RAB38: variants seen among roughly 807,000 people sequenced by gnomAD.
The protein encoded by RAB38 is ras-related protein Rab-38.
A neutral mutation model predicts 18.4 loss-of-function variants in RAB38; 15 were observed. The observed-to-expected ratio is 0.82, with a 90% CI of 0.55 to 1.26. The LOEUF is 1.26. RAB38 is among the 50% of genes most tolerant of loss of function. The pLI, the probability that RAB38 is intolerant of heterozygous loss-of-function variation, is 0.00. For synonymous variants in RAB38, 101 were observed against 104.4 expected (o/e 0.97, Z 0.20); for missense variants, 294 against 267.4 (o/e 1.10, Z -0.69).
At chr11:88,142,557 A>G (rs1214749612) in intron 2 of RAB38, among the ~76,000 whole-genome samples, 1 of 152,178 alleles carries the variant, frequency 6.6e-6, no homozygotes, top group Non-Finnish European at 1.5e-5. Flanking sequence ...GCAATTCCTG[A>G]AGAAAGGGTT....
At chr11:88,144,104 T>C (rs1221806842) in intron 2 of RAB38, among the ~76,000 whole-genome samples, 2 of 152,190 alleles carry the variant, frequency 1.3e-5, no homozygotes, top group East Asian at 3.8e-4. Flanking sequence ...CTGGTGGACA[T>C]TATGTGAAAT....
At chr11:88,041,938 T>C in the RAB38 span, among the ~76,000 whole-genome samples, 1 of 152,006 alleles carries the variant, frequency 6.6e-6, no homozygotes, top group Non-Finnish European at 1.5e-5. Flanking sequence ...AGCTATGAGG[T>C]GCCAGTGGGT....
the RAB38 span, among the ~76,000 whole-genome samples, chr11:88,053,433 A>T: frequency 8.1e-6 from 1 of 123,790 alleles, no homozygotes; most frequent in South Asian, 2.6e-4. Context: ...ATATATATGG[A>T]ATATATATAT....
the RAB38 span, among the ~76,000 whole-genome samples, chr11:87,881,486 G>T: frequency 6.6e-6 from 1 of 151,678 alleles, no homozygotes; most frequent in South Asian, 2.1e-4. Context: ...TCATAAATGT[G>T]GAGACTGCAT....
the RAB38 span, among the ~76,000 whole-genome samples, chr11:88,013,134 G>A: frequency 1.3e-5 from 2 of 152,006 alleles, no homozygotes; most frequent in African/African-American, 4.8e-5. Flanking sequence ...AAGGCCTGTA[G>A]GTAATAAACT....
the RAB38 span, among the ~76,000 whole-genome samples, chr11:88,080,686 A>C: frequency 2.6e-5 from 4 of 152,098 alleles, no homozygotes; most frequent in South Asian, 8.3e-4. Flanking sequence ...GTACAGATAG[A>C]TTTTTACATC....
At chr11:88,061,882 A>G in the RAB38 span, 9 of 151,872 alleles carry the variant, frequency 5.9e-5, no homozygotes, top group Non-Finnish European at 1.2e-4. Flanking sequence ...TTCTTTAGTG[A>G]GTGCAAGAAG....
chr11:87,876,826 C>T, the RAB38 span, among the ~76,000 whole-genome samples: 1 of 151,696 alleles, frequency 6.6e-6, no homozygotes, highest in South Asian at 2.1e-4. Context: ...CACCTGGTAG[C>T]AGATGAGCAG....
At chr11:87,892,964 A>T in the RAB38 span, among the ~76,000 whole-genome samples, 3 of 151,750 alleles carry the variant, frequency 2.0e-5, no homozygotes, top group African/African-American at 7.2e-5. Context: ...GGTAGACTAT[A>T]TGCTTTACAG....
At chr11:88,091,681 T>G in the RAB38 span, among the ~76,000 whole-genome samples, 251 of 152,094 alleles carry the variant, frequency 1.7e-3, no homozygotes, top group African/African-American at 5.8e-3. Flanking sequence ...CTTCATTCCT[T>G]TGTAGTCACC....
chr11:88,004,585 G>A, the RAB38 span, among the ~76,000 whole-genome samples: 2 of 151,080 alleles, frequency 1.3e-5, no homozygotes, highest in African/African-American at 4.8e-5. Flanking sequence ...AAGCATTGTC[G>A]GTACTCACTC....
the RAB38 span, among the ~76,000 whole-genome samples, chr11:87,943,566 G>A: frequency 6.6e-6 from 1 of 152,274 alleles, no homozygotes; most frequent in South Asian, 2.1e-4. Context: ...TCTTGGTTTA[G>A]TGAAATACAC....
At chr11:87,852,142 G>A in the RAB38 span, among the ~76,000 whole-genome samples, 1 of 152,028 alleles carries the variant, frequency 6.6e-6, no homozygotes, top group African/African-American at 2.4e-5. Context: ...TTAGAGACAA[G>A]GATATTCCTT....
the RAB38 span, among the ~76,000 whole-genome samples, chr11:87,832,215 A>G: frequency 7.7e-4 from 117 of 152,352 alleles, no homozygotes; most frequent in African/African-American, 2.7e-3. Context: ...CCTTGTGCTT[A>G]TGAAGCTTAC....
the RAB38 span, among the ~76,000 whole-genome samples, chr11:87,933,044 A>G: frequency 6.6e-6 from 1 of 152,072 alleles, no homozygotes; most frequent in African/African-American, 2.4e-5. Flanking sequence ...GTTATGCACC[A>G]CCCACAATAT....
At chr11:88,029,772 T>G in the RAB38 span, among the ~76,000 whole-genome samples, 17 of 151,762 alleles carry the variant, frequency 1.1e-4, no homozygotes, top group Non-Finnish European at 1.5e-4. Flanking sequence ...CTCCCACACA[T>G]TAATAATGGG....
At chr11:87,932,403 G>T in the RAB38 span, among the ~76,000 whole-genome samples, 2 of 152,146 alleles carry the variant, frequency 1.3e-5, no homozygotes, top group Admixed American at 6.6e-5. Flanking sequence ...TGGCAGAAAG[G>T]CATCATGAAG....
the RAB38 span, among the ~76,000 whole-genome samples, chr11:87,972,429 C>T: frequency 2.0e-5 from 3 of 151,976 alleles, no homozygotes; most frequent in South Asian, 4.1e-4. Flanking sequence ...CTGACACCCA[C>T]GCTTATAAGC....
chr11:87,838,133 G>A, the RAB38 span, among the ~76,000 whole-genome samples: 1 of 142,788 alleles, frequency 7.0e-6, no homozygotes, highest in Admixed American at 7.0e-5. Context: ...TTTTTTTTTT[G>A]AGATGGAGTC....
Sources: allele counts gnomAD v4.1 joint callset (sites outside exome capture counted in the v4.1 genomes callset), GRCh38; gene constraint gnomAD v4.1.1; transcripts MANE v1.5; gene names NCBI Gene and HGNC (gene_info 2026-07-23, HGNC 2026-07-21).